Variants in EPB41L3 observed in about 807,000 individuals in gnomAD.
EPB41L3 encodes the protein erythrocyte membrane protein band 4.1 like 3.
EPB41L3 carries 57 observed loss-of-function variants against 127.1 expected under a neutral mutation model. The observed-to-expected ratio is 0.45, with a 90% CI of 0.36 to 0.56. EPB41L3 has a LOEUF of 0.56. EPB41L3 is among the 20% of genes least tolerant of loss of function. The pLI, the probability that EPB41L3 is intolerant of heterozygous loss-of-function variation, is 0.00. For missense variants in EPB41L3, 1,273 were observed against 1,372.2 expected (o/e 0.93, Z 1.14); for synonymous variants, 572 against 549.5 (o/e 1.04, Z -0.57).
intron 12 of EPB41L3, among the ~76,000 whole-genome samples, chr18:5,419,155 A>T (rs1598701447): frequency 6.6e-6 from 1 of 152,222 alleles, no homozygotes; most frequent in African/African-American, 2.4e-5. Flanking sequence ...TGAAAGAAGA[A>T]GCTGCTGCCA....
chr18:5,538,613 T>TA (rs1487381970), intron 1 of EPB41L3, among the ~76,000 whole-genome samples: 5 of 152,220 alleles, frequency 3.3e-5, no homozygotes, highest in Non-Finnish European at 5.9e-5. Context: ...TTTCCTCTCT[T>TA]TAGTTGAATG....
At chr18:5,513,466 T>C (rs935336788) in intron 1 of EPB41L3, among the ~76,000 whole-genome samples, 1 of 152,228 alleles carries the variant, frequency 6.6e-6, no homozygotes, top group Non-Finnish European at 1.5e-5. Flanking sequence ...TACACACTCA[T>C]GGAGCATCTC....
chr18:5,458,136 T>G (rs913049221), intron 3 of EPB41L3, among the ~76,000 whole-genome samples: 1 of 152,220 alleles, frequency 6.6e-6, no homozygotes, highest in Admixed American at 6.5e-5. Context: ...AATTTGTTCA[T>G]GACCAATTTG....
intron 1 of EPB41L3, among the ~76,000 whole-genome samples, chr18:5,500,881 CAT>C (rs1194215375): frequency 3.3e-5 from 5 of 152,188 alleles, no homozygotes; most frequent in East Asian, 1.9e-4. Context: ...TAACTGCACA[CAT>C]GTCTCAAGGC....
At chr18:5,621,147 T>C (rs1034509073) in intron 1 of EPB41L3, among the ~76,000 whole-genome samples, 2 of 152,204 alleles carry the variant, frequency 1.3e-5, no homozygotes, top group African/African-American at 2.4e-5. Context: ...CTGGCCACAA[T>C]GGGTTTAGTA....
At chr18:5,547,380 A>T (rs2093898245), upstream of EPB41L3, among the ~76,000 whole-genome samples, 1 of 152,188 alleles carries the variant, frequency 6.6e-6, no homozygotes, top group Middle Eastern at 3.2e-3. Context: ...CCAATTTGGC[A>T]TGAGAACTCA....
intron 3 of EPB41L3, among the ~76,000 whole-genome samples, chr18:5,475,763 C>T (rs1209231657): frequency 6.6e-6 from 1 of 152,188 alleles, no homozygotes; most frequent in Non-Finnish European, 1.5e-5. Context: ...CCACACTGTC[C>T]ATTTCATAAT....
intron 3 of EPB41L3, among the ~76,000 whole-genome samples, chr18:5,551,773 G>A (rs554189045): frequency 1.3e-5 from 2 of 152,142 alleles, no homozygotes; most frequent in African/African-American, 4.8e-5. Flanking sequence ...TGGGTGATAG[G>A]TACATGTGGA....
chr18:5,521,546 A>T (rs147572067), intron 1 of EPB41L3: 1 of 152,318 alleles, frequency 6.6e-6, no homozygotes, highest in East Asian at 1.9e-4. Context: ...TGAAATTTAG[A>T]ATGAGTACAG....
chr18:5,401,243 T>C (rs1467929720), intron 16 of EPB41L3, among the ~76,000 whole-genome samples: 2 of 152,172 alleles, frequency 1.3e-5, no homozygotes, highest in East Asian at 3.8e-4. Flanking sequence ...TACCTCAAAA[T>C]TTAGTTTTTT....
Position 5,498,608 on chromosome 18 carries a change from A to AAAAG in EPB41L3, c.-11-9418_-11-9415dup, listed in dbSNP as rs2091432372. ...AGACTCCATCTCAAAAAAAAAAAAAAAAAGAAAATGGACTTCAGAACTGAT... is the reference window on the plus strand; with the variant it reads ...AGACTCCATCTCAAAAAAAAAAAAAAAAAGAAAGAAAATGGACTTCAGAACTGAT... On this transcript the variant is annotated intron_variant, in intron 1 of 22. Coordinates refer to ENST00000341928, the MANE Select transcript of EPB41L3 (RefSeq NM_012307.5). Among the ~76,000 whole-genome samples, 5 of 144,596 alleles carry AAAAG rather than the reference A, an allele frequency of 3.5e-5. 1 individual carries two copies. The highest frequency in any genetic ancestry group is 7.1e-5 in the Admixed American group (1 of 13,998). The allele number at this position is 144,596 out of a possible 152,430, so 94.9% of individuals were successfully genotyped here. A position where few individuals can be genotyped will look rare whatever the true frequency, so the allele number is the denominator to read the frequency against.
At chr18:5,399,346 C>T in intron 16 of EPB41L3, 1 of 399,016 alleles carries the variant, frequency 2.5e-6, no homozygotes, top group Non-Finnish European at 4.4e-6. Flanking sequence ...TCAACTACCT[C>T]AGTTGGTATT....
intron 4 of EPB41L3, among the ~76,000 whole-genome samples, chr18:5,444,340 T>G (rs1419772431): frequency 6.6e-6 from 1 of 152,222 alleles, no homozygotes; most frequent in African/African-American, 2.4e-5. Flanking sequence ...TGCCTGTGAT[T>G]TCCGATTTTC....
chr18:5,539,088 A>C (rs541501130), intron 1 of EPB41L3, among the ~76,000 whole-genome samples: 5 of 145,272 alleles, frequency 3.4e-5, no homozygotes, highest in African/African-American at 1.3e-4. Flanking sequence ...TGAATGCTTT[A>C]AGTGTCTAGA....
At chr18:5,553,391 TA>T in intron 3 of EPB41L3, among the ~76,000 whole-genome samples, 1 of 152,296 alleles carries the variant, frequency 6.6e-6, no homozygotes, top group East Asian at 1.9e-4. Flanking sequence ...TCAGGCCTCA[TA>T]TTTGGTGAGT....
intron 2 of EPB41L3, chr18:5,488,760 C>G (rs1435710067): frequency 4.4e-6 from 2 of 458,596 alleles, no homozygotes; most frequent in Non-Finnish European, 7.5e-6. Flanking sequence ...GACCAATAAT[C>G]TCCAGTCTGG....
At chr18:5,421,835 T>A (rs971817268) in intron 11 of EPB41L3, among the ~76,000 whole-genome samples, 1 of 148,578 alleles carries the variant, frequency 6.7e-6, no homozygotes, top group African/African-American at 2.5e-5. Flanking sequence ...GTGGCGGGGG[T>A]GGTGGTGACG....
chr18:5,439,601 G>C (rs1405567115), intron 5 of EPB41L3, among the ~76,000 whole-genome samples: 1 of 152,132 alleles, frequency 6.6e-6, no homozygotes, highest in Non-Finnish European at 1.5e-5. Context: ...TTTACCATAG[G>C]ACCAGGCATT....
intron 5 of EPB41L3, among the ~76,000 whole-genome samples, 189 bp from the exon 6 acceptor site, chr18:5,438,299 T>C (rs1434107080): frequency 1.3e-5 from 2 of 152,220 alleles, no homozygotes; most frequent in Non-Finnish European, 2.9e-5. Flanking sequence ...CTAATCTTCT[T>C]CCCAATCAAA....
Sources: allele counts gnomAD v4.1 joint callset (sites outside exome capture counted in the v4.1 genomes callset), GRCh38; gene constraint gnomAD v4.1.1; transcripts MANE v1.5; gene names NCBI Gene and HGNC (gene_info 2026-07-23, HGNC 2026-07-21).